Variants in ADAMTSL3 observed in about 807,000 individuals in gnomAD.
ADAMTSL3 encodes the protein ADAMTS like 3.
Under a neutral mutation model 201.7 loss-of-function variants are expected in ADAMTSL3, and 128 were observed. The ratio of observed to expected loss-of-function variants is 0.63; its 90% CI spans 0.55 to 0.73. ADAMTSL3 has a LOEUF of 0.73. Ranked by LOEUF, ADAMTSL3 falls within the 30% of genes least tolerant of loss-of-function variation. The probability of loss-of-function intolerance (pLI) is 0.00; values close to 1 mark genes in which losing one functional copy is unlikely to be tolerated. For missense variants in ADAMTSL3, 1,990 were observed against 2,119.6 expected, an observed-to-expected ratio of 0.94 and a Z score of 1.20; for synonymous variants, 738 against 748.4, an observed-to-expected ratio of 0.99 and a Z score of 0.23.
chr15:83,884,338 C>CCTTTTTTTTTTTTTT lies in ADAMTSL3; in HGVS notation c.961-763_961-762insCTTTTTTTTTTTTTT, dbSNP rs1305026027. The stretch of plus-strand genomic sequence containing the variant: ...TGTTACCTCATTGGTGCCCTATTTC[C>CCTTTTTTTTTTTTTT]TTTTTTTTTTTTTTTTTTTTTTGAG... On this transcript the variant is annotated intron_variant, in intron 9 of 29. Transcript: ENST00000286744. Among the ~76,000 whole-genome samples, 4 of 114,486 alleles carry CCTTTTTTTTTTTTTT rather than the reference C, an allele frequency of 3.5e-5. 2 individuals carry two copies. The highest frequency in any genetic ancestry group is 1.4e-4 in the African/African-American group (4 of 28,892). The allele number at this position is 114,486 out of a possible 152,430, so 75.1% of individuals were successfully genotyped here. A position where few individuals can be genotyped will look rare whatever the true frequency, so the allele number is the denominator to read the frequency against.
At chr15:83,942,562 C>G in intron 17 of ADAMTSL3, 34 bp from the exon 18 acceptor site, 1 of 1,592,710 alleles carries the variant, frequency 6.3e-7, no homozygotes, top group Non-Finnish European at 8.5e-7. Context: ...GTTTATTGGA[C>G]TGTTCAACTT....
intron 3 of ADAMTSL3, among the ~76,000 whole-genome samples, chr15:83,726,379 C>T (rs914543576): frequency 2.0e-5 from 3 of 151,922 alleles, no homozygotes; most frequent in Non-Finnish European, 2.9e-5. Flanking sequence ...ATTTGGATGC[C>T]GTTTATTTAT....
intron 3 of ADAMTSL3, among the ~76,000 whole-genome samples, chr15:83,736,462 G>A (rs1372032899): frequency 6.6e-6 from 1 of 152,088 alleles, no homozygotes; most frequent in African/African-American, 2.4e-5. Context: ...AGACAAAGTT[G>A]TACCAACAAA....
intron 4 of ADAMTSL3, among the ~76,000 whole-genome samples, chr15:83,779,707 A>AG: frequency 6.6e-6 from 1 of 151,282 alleles, no homozygotes; most frequent in Non-Finnish European, 1.5e-5. Context: ...CAAAAAAAAA[A>AG]AAAAAAAAAA....
intron 11 of ADAMTSL3, 42 bp from the exon 12 acceptor site, chr15:83,891,282 GTTAAT>G: frequency 7.1e-7 from 1 of 1,413,332 alleles, no homozygotes; most frequent in Non-Finnish European, 1.0e-6. Flanking sequence ...TAATGAATGT[GTTAAT>G]TTATTATAGA....
At chr15:83,992,120 C>A (rs2067591997) in intron 23 of ADAMTSL3, among the ~76,000 whole-genome samples, 1 of 152,150 alleles carries the variant, frequency 6.6e-6, no homozygotes, top group Non-Finnish European at 1.5e-5. Flanking sequence ...ATGAGTCTTG[C>A]CTAGGCTGTG....
intron 3 of ADAMTSL3, among the ~76,000 whole-genome samples, chr15:83,755,286 C>T (rs565502253): frequency 6.6e-5 from 10 of 152,174 alleles, no homozygotes; most frequent in Non-Finnish European, 1.3e-4. Flanking sequence ...CCATTGTAAC[C>T]ATTTTTAAGT....
At chr15:84,019,163 T>C (rs1319459836) in intron 25 of ADAMTSL3, among the ~76,000 whole-genome samples, 1 of 149,946 alleles carries the variant, frequency 6.7e-6, no homozygotes, top group African/African-American at 2.5e-5. Flanking sequence ...GATATATAGA[T>C]GGCATCAGGG....
chr15:83,693,457 G>T (rs2061639855), intron 2 of ADAMTSL3, among the ~76,000 whole-genome samples: 1 of 152,212 alleles, frequency 6.6e-6, no homozygotes, highest in Non-Finnish European at 1.5e-5. Flanking sequence ...TCACTCTACT[G>T]CCTTGGGTAG....
chr15:83,887,580 T>C (rs1460140730), intron 10 of ADAMTSL3, among the ~76,000 whole-genome samples: 1 of 152,224 alleles, frequency 6.6e-6, no homozygotes, highest in Non-Finnish European at 1.5e-5. Flanking sequence ...CTTTGGGTAC[T>C]CTTACTCTGC....
chr15:83,966,404 A>C (rs1160015705), intron 19 of ADAMTSL3, among the ~76,000 whole-genome samples: 1 of 152,230 alleles, frequency 6.6e-6, no homozygotes, highest in Non-Finnish European at 1.5e-5. Context: ...AAACACCTCT[A>C]CGCAAATAAG....
chr15:83,712,042 C>T lies in ADAMTSL3; in HGVS notation c.189+7534C>T, dbSNP rs2061940507. Among the ~76,000 whole-genome samples, 5 of 152,092 alleles carry T rather than the reference C, an allele frequency of 3.3e-5. No individual in the cohort carries two copies. In the South Asian group the frequency reaches 8.3e-4, roughly 25 times the overall value. ...TTCTGACAGGGCCCTTGCTGCTTAC[C>T]GTCAGATCATCCTTTCTCTTTGAGA... is the stretch of plus-strand genomic sequence containing the variant. On this transcript the variant is annotated intron_variant, in intron 3 of 29. Coordinates refer to ENST00000286744, the MANE Select transcript of ADAMTSL3 (RefSeq NM_207517.3).
In ADAMTSL3 at chr15:83,704,495, G is replaced by T. The variant is rs77028575; in HGVS notation, c.176G>T (p.Arg59Leu). Residue 59 changes from arginine to leucine, a missense_variant, in exon 3 of 30, where the codon CGC becomes CTC. By Grantham distance (102) the Arg-to-Leu change is moderately radical. Transcript: ENST00000286744. ...ACAGGGGAGCAGTTCCTCACTTATCGCTATGATGACCAGGTAAGAACATTG... is the reference window on the plus strand; with the variant it reads ...ACAGGGGAGCAGTTCCTCACTTATCTCTATGATGACCAGGTAAGAACATTG... ...DTTGEQFLTY[R>L]YDDQTSRNTR... The T allele has an allele frequency of 1.2e-5, 20 of 1,614,134 alleles. No individual in the cohort carries two copies. Among genetic ancestry groups the T allele is most frequent in the Non-Finnish European group, 1.6e-5 (19 of 1,180,016 alleles).
At chr15:83,729,315 CT>C (rs2062228930) in intron 3 of ADAMTSL3, among the ~76,000 whole-genome samples, 1 of 152,032 alleles carries the variant, frequency 6.6e-6, no homozygotes, top group Non-Finnish European at 1.5e-5. Context: ...GGGAAATTCT[CT>C]GTTATTATCC....
chr15:83,780,502 C>T (rs1433117174), intron 4 of ADAMTSL3, among the ~76,000 whole-genome samples: 1 of 151,706 alleles, frequency 6.6e-6, no homozygotes, highest in East Asian at 1.9e-4. Context: ...CCACAGTCAA[C>T]ATCATACCAA....
intron 2 of ADAMTSL3, among the ~76,000 whole-genome samples, chr15:83,699,488 A>G (rs539153388): frequency 9.2e-4 from 140 of 152,264 alleles, no homozygotes; most frequent in African/African-American, 3.2e-3. Flanking sequence ...CCAAGGAACC[A>G]TCCCTTTTCA....
rs1349698787 is a variant in ADAMTSL3 at position 83,991,090 on chromosome 15, A to T, written c.3849A>T (p.Ala1283=). The change falls in exon 23 of 30, where the codon GCA becomes GCT. Residue 1283 remains alanine, a synonymous_variant. Coordinates refer to ENST00000286744, the MANE Select transcript of ADAMTSL3 (RefSeq NM_207517.3). ...TCCTGCTCCCTTTGAATTAAGAGGC[A>T]CCTGTCATCTTGTCTGTTGAAAGAA... ...VESSSVLYAE[A]PVILSVERNI... The T allele has an allele frequency of 3.1e-6, 5 of 1,614,076 alleles. No individual in the cohort carries two copies. The highest frequency in any genetic ancestry group is 4.2e-6 in the Non-Finnish European group (5 of 1,180,030).
intron 20 of ADAMTSL3, among the ~76,000 whole-genome samples, chr15:83,978,124 A>C (rs964872823): frequency 6.6e-6 from 1 of 152,208 alleles, no homozygotes; most frequent in African/African-American, 2.4e-5. Context: ...AATGCTGCCA[A>C]GACCATGCAG....
intron 15 of ADAMTSL3, among the ~76,000 whole-genome samples, chr15:83,903,528 G>A (rs1044158068): frequency 2.6e-5 from 4 of 152,030 alleles, no homozygotes; most frequent in African/African-American, 9.7e-5. Context: ...CTTTGGCAGG[G>A]GAGTGGGCAT....
Sources: gnomAD v4.1 joint callset for allele counts (sites outside exome capture counted in the v4.1 genomes callset) on GRCh38, gnomAD v4.1.1 for gene constraint, MANE v1.5 for transcripts, NCBI Gene and HGNC (gene_info 2026-07-23, HGNC 2026-07-21) for gene names.